The following WWOX variants were observed in gnomAD, a reference collection of about 807,000 sequenced individuals.
WWOX encodes WW domain-containing oxidoreductase.
WWOX carries 69 observed loss-of-function variants against 46.2 expected under a neutral mutation model. The observed-to-expected ratio is 1.49, with a 90% CI of 1.23 to 1.82. The LOEUF (loss-of-function observed/expected upper bound fraction) is 1.82, where lower values mean the gene tolerates loss of function less well. Ranked by LOEUF, WWOX falls within the 40% of genes most tolerant of loss-of-function variation. The pLI is 0.00. For missense variants in WWOX, 919 were observed against 542.6 expected (o/e 1.69, Z -6.89); for synonymous variants, 359 against 202.6 (o/e 1.77, Z -6.56).
chr16:78,444,791 A>C (rs886801447), intron 8 of WWOX, among the ~76,000 whole-genome samples: 1 of 152,044 alleles, frequency 6.6e-6, no homozygotes, highest in African/African-American at 2.4e-5. Flanking sequence ...CGGCCTCCCA[A>C]AGTGCTGGAA....
At chr16:78,625,140 G>A (rs1251100293) in intron 8 of WWOX, among the ~76,000 whole-genome samples, 1 of 152,160 alleles carries the variant, frequency 6.6e-6, no homozygotes, top group Non-Finnish European at 1.5e-5. Flanking sequence ...CTAAAACTTT[G>A]CTGGAGAACA....
At chr16:78,825,592 A>T in intron 8 of WWOX, 1 of 534,576 alleles carries the variant, frequency 1.9e-6, no homozygotes, top group Non-Finnish European at 3.8e-6. Context: ...TCGAGTCTGC[A>T]GTACAAACTC....
intron 8 of WWOX, among the ~76,000 whole-genome samples, chr16:78,948,670 C>T (rs1384760654): frequency 2.0e-5 from 3 of 152,018 alleles, no homozygotes; most frequent in African/African-American, 7.3e-5. Context: ...AGTTCCAGCC[C>T]CTATGTCAGG....
intron 8 of WWOX, among the ~76,000 whole-genome samples, chr16:79,158,000 G>C (rs2050415049): frequency 6.6e-6 from 1 of 152,172 alleles, no homozygotes; most frequent in Non-Finnish European, 1.5e-5. Flanking sequence ...TTCTGGATTG[G>C]TTGGGTTGCA....
At chr16:78,147,505 G>C (rs1334829785) in intron 4 of WWOX, among the ~76,000 whole-genome samples, 2 of 152,092 alleles carry the variant, frequency 1.3e-5, no homozygotes, top group Admixed American at 6.5e-5. Flanking sequence ...CACTTTAAAA[G>C]TGAGCCTCAA....
rs550047198 is a variant in WWOX at position 78,998,510 on chromosome 16, C to G, written c.1057-213098C>G. Among the ~76,000 whole-genome samples the G allele has an allele frequency of 1.7e-3, 259 of 152,266 alleles. 1 individual carries two copies. The highest frequency in any genetic ancestry group is 5.8e-3 in the African/African-American group (243 of 41,546). On this transcript the variant is annotated intron_variant, in intron 8 of 8. Transcript: ENST00000566780. ...ATAGAAACAGAGGGGATTGGCCACA[C>G]CTGAAGTCATTCTGTGTTCAAATCT...
intron 8 of WWOX, among the ~76,000 whole-genome samples, chr16:78,507,990 TTGCG>T (rs200498567): frequency 0.031 from 851 of 27,304 alleles, 10 homozygotes; most frequent in Middle Eastern, 0.19. Flanking sequence ...TGATTTTTGG[TTGCG>T]TGCGTGTGTG....
intron 5 of WWOX, among the ~76,000 whole-genome samples, chr16:78,187,376 T>G (rs1597327094): frequency 6.6e-6 from 1 of 152,274 alleles, no homozygotes; most frequent in South Asian, 2.1e-4. Flanking sequence ...TTTGGGAGGC[T>G]GACACAGGCA....
intron 8 of WWOX, among the ~76,000 whole-genome samples, chr16:79,032,842 G>T (rs1477609907): frequency 6.6e-6 from 1 of 151,374 alleles, no homozygotes; most frequent in Non-Finnish European, 1.5e-5. Flanking sequence ...ATGGGGGTTT[G>T]TTGTACAGAT....
chr16:78,547,010 C>T (rs1425129957), intron 8 of WWOX, among the ~76,000 whole-genome samples: 3 of 151,660 alleles, frequency 2.0e-5, no homozygotes, highest in Non-Finnish European at 4.4e-5. Flanking sequence ...TGCCTGTGGT[C>T]CCAGCTACTT....
At chr16:78,613,282 T>G (rs543612340) in intron 8 of WWOX, among the ~76,000 whole-genome samples, 2 of 152,234 alleles carry the variant, frequency 1.3e-5, no homozygotes, top group African/African-American at 4.8e-5. Context: ...GATCACTCTT[T>G]CAGAAACATG....
chr16:78,199,834 G>A (rs1418433212), intron 5 of WWOX, among the ~76,000 whole-genome samples: 5 of 152,146 alleles, frequency 3.3e-5, no homozygotes. Context: ...TGGCATTTAT[G>A]TCTGTAGATT....
intron 8 of WWOX, chr16:79,017,462 A>AAAAAAAAT (rs2047440452): frequency 8.0e-6 from 1 of 124,480 alleles, no homozygotes; most frequent in Non-Finnish European, 1.8e-5. Flanking sequence ...AAAAAAAAAA[A>AAAAAAAAT]GAAAGAAAGA....
At chr16:79,094,793 C>T (rs148376650) in intron 8 of WWOX, among the ~76,000 whole-genome samples, 127 of 152,168 alleles carry the variant, frequency 8.3e-4, no homozygotes, top group African/African-American at 2.9e-3. Context: ...AGGGAGGAAA[C>T]GAGAAGAGAA....
At chr16:79,113,846 A>G (rs1278463998) in intron 8 of WWOX, among the ~76,000 whole-genome samples, 1 of 152,222 alleles carries the variant, frequency 6.6e-6, no homozygotes, top group South Asian at 2.1e-4. Flanking sequence ...GACCCCCTTA[A>G]TGACAATTTG....
chr16:78,704,028 CT>C (rs1160043885), intron 8 of WWOX, among the ~76,000 whole-genome samples: 4 of 152,180 alleles, frequency 2.6e-5, no homozygotes, highest in African/African-American at 4.8e-5. Flanking sequence ...ACCATCACCC[CT>C]ATCCATCTCC....
chr16:78,631,789 G>C (rs901981057), intron 8 of WWOX, among the ~76,000 whole-genome samples: 1 of 152,110 alleles, frequency 6.6e-6, no homozygotes, highest in Admixed American at 6.5e-5. Flanking sequence ...GTCTCCCAAA[G>C]TGTTGGGATT....
At chr16:78,356,710 G>A (rs927339325) in intron 5 of WWOX, among the ~76,000 whole-genome samples, 3 of 152,060 alleles carry the variant, frequency 2.0e-5, no homozygotes, top group East Asian at 1.9e-4. Flanking sequence ...GTGAAACCCC[G>A]TCTCTACTAA....
intron 8 of WWOX, among the ~76,000 whole-genome samples, chr16:78,703,216 T>C (rs1162069856): frequency 6.6e-6 from 1 of 152,088 alleles, no homozygotes; most frequent in Non-Finnish European, 1.5e-5. Context: ...GTCTGTCTCT[T>C]TTCTCTGTGT....
Sources: gnomAD v4.1 joint callset for allele counts (sites outside exome capture counted in the v4.1 genomes callset) on GRCh38, gnomAD v4.1.1 for gene constraint, MANE v1.5 for transcripts, NCBI Gene and HGNC (gene_info 2026-07-23, HGNC 2026-07-21) for gene names.